The following CSMD1 variants were observed in gnomAD, a reference collection of about 807,000 sequenced individuals.
The protein encoded by CSMD1 is CUB and sushi domain-containing protein 1.
A neutral mutation model predicts 417.5 loss-of-function variants in CSMD1; 213 were observed. That is an observed-to-expected ratio of 0.51 (90% CI 0.46 to 0.57). The LOEUF (loss-of-function observed/expected upper bound fraction) is 0.57. Among genes scored for constraint, CSMD1 ranks in the 20% least tolerant of loss-of-function variants. The pLI, the probability that CSMD1 is intolerant of heterozygous loss-of-function variation, is 0.00. For missense variants in CSMD1, 6,923 were observed against 4,529.7 expected (o/e 1.53, Z -15.17); for synonymous variants, 2,862 against 1,736.8 (o/e 1.65, Z -16.11).
chr8:3,621,510 G>A (rs1007674148), intron 7 of CSMD1, among the ~76,000 whole-genome samples: 2 of 152,130 alleles, frequency 1.3e-5, no homozygotes, highest in African/African-American at 2.4e-5. Context: ...AAAATTTACA[G>A]AGATGAATAG....
chr8:4,214,645 C>T (rs961967580), intron 3 of CSMD1, among the ~76,000 whole-genome samples: 1 of 152,034 alleles, frequency 6.6e-6, no homozygotes, highest in African/African-American at 2.4e-5. Context: ...TATTTGCATG[C>T]ACGTGTATGT....
chr8:3,219,701 G>C (rs911257682), intron 28 of CSMD1, among the ~76,000 whole-genome samples: 2 of 152,000 alleles, frequency 1.3e-5, no homozygotes, highest in African/African-American at 4.8e-5. Context: ...CAGCCAAAAG[G>C]AAATAAGTCA....
intron 3 of CSMD1, among the ~76,000 whole-genome samples, chr8:4,235,487 T>C (rs989160340): frequency 2.6e-5 from 4 of 152,156 alleles, no homozygotes; most frequent in African/African-American, 7.2e-5. Flanking sequence ...CTAATTCACA[T>C]GCTTTTTAGA....
chr8:3,188,305 T>TG (rs1428920508), intron 35 of CSMD1, among the ~76,000 whole-genome samples: 25 of 3,424 alleles, frequency 7.3e-3, no homozygotes, highest in Non-Finnish European at 0.039. Flanking sequence ...TTTTCCTTTC[T>TG]TTTTTTTTTT....
At chr8:4,220,588 A>C (rs1800969832) in intron 3 of CSMD1, among the ~76,000 whole-genome samples, 1 of 152,168 alleles carries the variant, frequency 6.6e-6, no homozygotes, top group Non-Finnish European at 1.5e-5. Flanking sequence ...CTTTTCCTAG[A>C]GTGATAAGGG....
At chr8:3,377,446 G>C (rs1450085850) in intron 18 of CSMD1, among the ~76,000 whole-genome samples, 2 of 152,104 alleles carry the variant, frequency 1.3e-5, no homozygotes, top group African/African-American at 2.4e-5. Flanking sequence ...AGACAATAAA[G>C]AAACAAAATG....
At chr8:4,909,621 G>C (rs192157736) in intron 1 of CSMD1, among the ~76,000 whole-genome samples, 6 of 152,260 alleles carry the variant, frequency 3.9e-5, no homozygotes, top group Admixed American at 3.9e-4. Flanking sequence ...ACTTCATGGG[G>C]TTCCTAGAAG....
intron 54 of CSMD1, among the ~76,000 whole-genome samples, chr8:2,981,198 G>C (rs1240191979): frequency 6.6e-6 from 1 of 152,232 alleles, no homozygotes; most frequent in African/African-American, 2.4e-5. Flanking sequence ...TTACTGTACA[G>C]AGAAGAATTT....
At chr8:3,515,567 C>G (rs1325739157) in intron 10 of CSMD1, among the ~76,000 whole-genome samples, 1 of 152,152 alleles carries the variant, frequency 6.6e-6, no homozygotes, top group African/African-American at 2.4e-5. Context: ...CTCCCATTGC[C>G]GTTTTCGGAA....
intron 31 of CSMD1, 127 bp from the exon 32 acceptor site, chr8:3,201,852 A>C (rs1248863836): frequency 2.2e-6 from 1 of 455,730 alleles, no homozygotes; most frequent in Non-Finnish European, 3.9e-6. Flanking sequence ...GTAAAAAAAT[A>C]AATATTAACT....
chr8:3,916,837 G>A (rs1026631067), intron 5 of CSMD1, among the ~76,000 whole-genome samples: 4 of 152,034 alleles, frequency 2.6e-5, no homozygotes, highest in African/African-American at 7.2e-5. Context: ...TTAGATTGCT[G>A]CAGGTTAGAG....
At chr8:4,884,306 T>C (rs1327163334) in intron 1 of CSMD1, among the ~76,000 whole-genome samples, 1 of 152,038 alleles carries the variant, frequency 6.6e-6, no homozygotes, top group South Asian at 2.1e-4. Context: ...TCGCCCAATT[T>C]ATCTCCCATT....
At position 3,027,563 on chromosome 8, in the gene CSMD1, G is replaced by A. The variant is rs1327652120; in HGVS notation, c.7855+1756C>T. On this transcript the variant is annotated intron_variant, in intron 51 of 69. Coordinates refer to ENST00000635120, the MANE Select transcript of CSMD1 (RefSeq NM_033225.6). ...ATCCAGTGACTCTGGAAAATGCCACGTGTACACGATGACATTCAAGGGACA... is the reference window on the plus strand; with the variant it reads ...ATCCAGTGACTCTGGAAAATGCCACATGTACACGATGACATTCAAGGGACA... Among the ~76,000 whole-genome samples the A allele has an allele frequency of 2.6e-5, 4 of 152,282 alleles. No homozygotes were observed. The East Asian group carries it at 7.7e-4, about 29-fold the overall frequency.
chr8:3,769,866 G>A (rs75979867), intron 5 of CSMD1, among the ~76,000 whole-genome samples: 1 of 152,172 alleles, frequency 6.6e-6, no homozygotes, highest in Non-Finnish European at 1.5e-5. Flanking sequence ...GAAGAAAAAC[G>A]TATGTGTCAG....
intron 5 of CSMD1, among the ~76,000 whole-genome samples, chr8:3,816,136 C>T (rs948962398): frequency 6.6e-6 from 1 of 152,188 alleles, no homozygotes; most frequent in Non-Finnish European, 1.5e-5. Flanking sequence ...ATCGCAGGCT[C>T]AGTCTCAAAG....
intron 43 of CSMD1, 119 bp from the exon 44 acceptor site, chr8:3,108,867 G>A (rs887619513): frequency 7.3e-6 from 7 of 954,912 alleles, no homozygotes; most frequent in Non-Finnish European, 1.1e-5. Flanking sequence ...TGCATTCTCA[G>A]GATACTGTGT....
rs182402413 is a variant in CSMD1 at position 4,308,658 on chromosome 8, A to G, written c.415+111295T>C. ...AGGATTCTTATTCCAAGAACAGTTT[A>G]TAAGAGGCTTTACGCAAATATCTGG... On this transcript the variant is annotated intron_variant, in intron 3 of 69. Transcript: ENST00000635120. 6.6e-4 allele frequency among the ~76,000 whole-genome samples: 101 copies of G among 152,344 alleles called. 1 individual carries two copies. The highest frequency in any genetic ancestry group is 1.2e-3 in the Non-Finnish European group (82 of 68,038).
intron 26 of CSMD1, among the ~76,000 whole-genome samples, chr8:3,231,531 GGATA>G (rs1289669766): frequency 1.1e-4 from 16 of 151,998 alleles, no homozygotes; most frequent in African/African-American, 1.9e-4. Context: ...GTCTACATAT[GGATA>G]GATAAATGGA....
chr8:3,804,721 T>C (rs1036370141), intron 5 of CSMD1, among the ~76,000 whole-genome samples: 2 of 152,188 alleles, frequency 1.3e-5, no homozygotes, highest in Non-Finnish European at 2.9e-5. Context: ...TATTTGTGTA[T>C]GATATTTGCT....
Sources: allele counts gnomAD v4.1 joint callset (sites outside exome capture counted in the v4.1 genomes callset), GRCh38; gene constraint gnomAD v4.1.1; transcripts MANE v1.5; gene names NCBI Gene and HGNC (gene_info 2026-07-23, HGNC 2026-07-21).